The following PPFIA4 variants were observed in gnomAD, a reference collection of about 807,000 sequenced individuals.
PPFIA4 encodes the protein PPFI scaffold protein A4.
PPFIA4 carries 98 observed loss-of-function variants against 145.7 expected under a neutral mutation model. The observed-to-expected ratio is 0.67, with a 90% CI of 0.57 to 0.80. The LOEUF is 0.80. Among genes scored for constraint, PPFIA4 ranks in the 30% least tolerant of loss-of-function variants. The pLI, the probability that PPFIA4 is intolerant of heterozygous loss-of-function variation, is 0.00. For missense variants in PPFIA4, 1,457 were observed against 1,632.7 expected (o/e 0.89, Z 1.85); for synonymous variants, 628 against 649.6 (o/e 0.97, Z 0.51).
In PPFIA4 at chr1:203,060,079, G is replaced by A. The variant is rs1661254194; in HGVS notation, c.2584-138G>A. The A allele has an allele frequency of 1.2e-6, 1 of 851,640 alleles. No individual in the cohort carries two copies. Among genetic ancestry groups the A allele is most frequent in the Admixed American group, 2.3e-5 (1 of 43,946 alleles). 52.8% of individuals were successfully genotyped at this position (851,640 alleles called of 1,614,324 possible). A position where few individuals can be genotyped will look rare whatever the true frequency, so the allele number is the denominator to read the frequency against. On this transcript the variant is annotated intron_variant, in intron 21 of 29. Transcript: ENST00000295706. The surrounding 1 kb of genome is among the most constrained non-coding windows in gnomAD (Gnocchi z 4.8). ...TGTAAAATGGGAGAGTGAGGGGTTT[G>A]ATGACCGCCACATTCCTATGATCTG...
rs1662615792 is a variant in PPFIA4, at chr1:203,077,363, C to T, written c.*973C>T. 1 of 152,362 alleles carries T rather than the reference C, an allele frequency of 6.6e-6. No homozygotes were observed. The highest frequency in any genetic ancestry group is 2.4e-5 in the African/African-American group (1 of 41,464). The allele number at this position is 152,362 out of a possible 1,614,324, so 9.4% of individuals were successfully genotyped here. On this transcript the variant is annotated 3_prime_UTR_variant, in exon 30 of 30. Coordinates refer to ENST00000295706, the MANE Select transcript of PPFIA4 (RefSeq NM_001304331.2). Reference sequence around the variant, plus strand: ...CCAGCATCCCTTCCCCTTCTCTCCTCCTCTGCCTCACTTCTTTAGTAATCC... The same window carrying T: ...CCAGCATCCCTTCCCCTTCTCTCCTTCTCTGCCTCACTTCTTTAGTAATCC...
intron 27 of PPFIA4, among the ~76,000 whole-genome samples, chr1:203,071,354 G>A (rs1052436900): frequency 7.3e-5 from 11 of 150,954 alleles, no homozygotes; most frequent in Non-Finnish European, 1.5e-4. Flanking sequence ...TGTATTTTTC[G>A]TAGAGACGGG....
chr1:203,045,623 A>G, intron 7 of PPFIA4, 64 bp downstream of exon 7: 1 of 1,483,868 alleles, frequency 6.7e-7, no homozygotes, highest in Non-Finnish European at 9.0e-7. Context: ...AGAGCCAGGC[A>G]AAGGCTCTGG....
chr1:203,041,545 T>C (rs1659695307), intron 2 of PPFIA4, among the ~76,000 whole-genome samples: 1 of 152,104 alleles, frequency 6.6e-6, no homozygotes, highest in Non-Finnish European at 1.5e-5. Flanking sequence ...TGAGTTGAAA[T>C]TGAGTCACTG....
At chr1:203,049,812 T>A in intron 13 of PPFIA4, 45 bp downstream of exon 13, 1 of 1,444,868 alleles carries the variant, frequency 6.9e-7, no homozygotes, top group Non-Finnish European at 9.2e-7. Flanking sequence ...GGGGTCCTGA[T>A]GGACCGTGAG....
chr1:203,052,024 A>T (rs578026634), intron 14 of PPFIA4, 147 bp downstream of exon 14: 277 of 810,008 alleles, frequency 3.4e-4, no homozygotes, highest in Non-Finnish European at 4.8e-4. Flanking sequence ...GGTTGAGGCC[A>T]TCGTCAGCTG....
At chr1:203,040,768 C>T (rs561646180) in intron 2 of PPFIA4, among the ~76,000 whole-genome samples, 16 of 152,308 alleles carry the variant, frequency 1.1e-4, no homozygotes, top group African/African-American at 3.9e-4. Context: ...AGGACTGTTA[C>T]GTCTGTCTTA....
chr1:203,046,644 A>T (rs1419804277), intron 9 of PPFIA4: 2 of 378,650 alleles, frequency 5.3e-6, no homozygotes, highest in African/African-American at 4.3e-5. Flanking sequence ...ATGTTGATGC[A>T]AAGTGTTTTT....
rs527889337 is a variant in PPFIA4, at chr1:203,036,705, G to A, written c.-399-1905G>A. On this transcript the variant is annotated intron_variant, in intron 1 of 29. Coordinates refer to ENST00000295706, the MANE Select transcript of PPFIA4 (RefSeq NM_001304331.2). ...AGAATTGGAGGAACGGCTGTTATCA[G>A]CATCAGGGAGATGGCAGCTCTGGAC... Among the ~76,000 whole-genome samples the A allele has an allele frequency of 1.3e-3, 204 of 152,334 alleles. 1 individual carries two copies. The highest frequency in any genetic ancestry group is 4.6e-3 in the African/African-American group (192 of 41,574).
chr1:203,050,942 C>T (rs972625274), intron 13 of PPFIA4, among the ~76,000 whole-genome samples: 15 of 150,652 alleles, frequency 1.0e-4, no homozygotes, highest in African/African-American at 3.7e-4. Flanking sequence ...TTGGATTCAT[C>T]GTGGAATTGG....
intron 24 of PPFIA4, 71 bp downstream of exon 24, chr1:203,061,749 C>A: frequency 6.8e-7 from 1 of 1,460,516 alleles, no homozygotes; most frequent in Non-Finnish European, 9.2e-7. Context: ...TAGGTTCTCT[C>A]CGCAGCAGGA....
chr1:203,051,465 C>A, intron 13 of PPFIA4: 1 of 675,478 alleles, frequency 1.5e-6, no homozygotes, highest in Non-Finnish European at 2.0e-6. Flanking sequence ...GGGAGCTCAA[C>A]TTTTTAAAAG....
chr1:203,032,426 C>CCTTTTTTTTTTTT (rs1553253604), intron 1 of PPFIA4, among the ~76,000 whole-genome samples: 9 of 59,498 alleles, frequency 1.5e-4, no homozygotes, highest in African/African-American at 7.0e-4. Flanking sequence ...CCCTTCCCCG[C>CCTTTTTTTTTTTT]TTTTTTGTTG....
At chr1:203,045,313 T>G (rs1659990464) in intron 6 of PPFIA4, 55 bp from the exon 7 acceptor site, 4 of 1,421,882 alleles carry the variant, frequency 2.8e-6, no homozygotes, top group South Asian at 2.9e-5. Context: ...GATAGGGGAG[T>G]GGGGTGGGTG....
At chr1:203,049,011 T>G in intron 12 of PPFIA4, 31 bp downstream of exon 12, 6 of 1,545,742 alleles carry the variant, frequency 3.9e-6, no homozygotes, top group Non-Finnish European at 5.2e-6. Flanking sequence ...CCGCCCAGCC[T>G]GGGAGGGCCG....
chr1:203,047,661 GAGTGCTTACTATGTTCTC>G (rs1660182176), intron 9 of PPFIA4, among the ~76,000 whole-genome samples: 1 of 152,182 alleles, frequency 6.6e-6, no homozygotes, highest in Non-Finnish European at 1.5e-5. Context: ...AACATTTGTT[GAGTGCTTACTATGTTCTC>G]AGTGTTCGCC....
intron 9 of PPFIA4, among the ~76,000 whole-genome samples, chr1:203,047,192 T>C (rs114629482): frequency 0.15 from 23,277 of 152,254 alleles, 2,015 homozygotes; most frequent in Admixed American, 0.23. Context: ...GGACGGAACC[T>C]GCAGCCTGGC....
intron 1 of PPFIA4, among the ~76,000 whole-genome samples, chr1:203,029,194 T>C (rs1287384643): frequency 1.3e-5 from 2 of 152,168 alleles, no homozygotes; most frequent in South Asian, 2.1e-4. Flanking sequence ...AGAAGCACGA[T>C]TGCTGCCCAG....
Position 203,045,439 on chromosome 1 carries a change from G to T in PPFIA4, c.738G>T (p.Arg246=). 1.2e-6 allele frequency: 2 copies of T among 1,609,788 alleles called. No homozygotes were observed. Among genetic ancestry groups the T allele is most frequent in the Non-Finnish European group, 1.7e-6 (2 of 1,178,700 alleles). Residue 246 remains arginine, a synonymous_variant, in exon 7 of 30, where the codon CGG becomes CGT. Coordinates refer to ENST00000295706, the MANE Select transcript of PPFIA4 (RefSeq NM_001304331.2). The part of the protein sequence containing the change: ...EKQNFELSQA[R]ERLVTLTTTV... ...AGAACTTTGAGTTGAGCCAGGCCCG[G>T]GAGCGACTGGTCACCCTAACAACAA...
Sources: gnomAD v4.1 joint callset for allele counts (sites outside exome capture counted in the v4.1 genomes callset) on GRCh38, gnomAD v4.1.1 for gene constraint, Gnocchi (gnomAD v3.1) non-coding constraint, MANE v1.5 for transcripts, NCBI Gene and HGNC (gene_info 2026-07-23, HGNC 2026-07-21) for gene names.